ZMYM2: variants seen among roughly 807,000 people sequenced by gnomAD.
ZMYM2 encodes zinc finger MYM-type protein 2.
In ZMYM2, 56 loss-of-function variants were observed where a neutral mutation model predicts 162.8. That is an observed-to-expected ratio of 0.34 (90% CI 0.28 to 0.43). The LOEUF is 0.43. Ranked by LOEUF, ZMYM2 falls within the 20% of genes least tolerant of loss-of-function variation. The pLI, the probability that ZMYM2 is intolerant of heterozygous loss-of-function variation, is 1.00. For synonymous variants in ZMYM2, 510 were observed against 541.6 expected, an observed-to-expected ratio of 0.94 and a Z score of 0.81; for missense variants, 1,275 against 1,621.8, an observed-to-expected ratio of 0.79 and a Z score of 3.67.
the ZMYM2 span, among the ~76,000 whole-genome samples, chr13:19,917,481 T>A: frequency 6.6e-6 from 1 of 151,398 alleles, no homozygotes; most frequent in Non-Finnish European, 1.5e-5. Context: ...TCCCAGCTAC[T>A]TGGGAGGCTG....
the ZMYM2 span, among the ~76,000 whole-genome samples, chr13:19,946,216 A>C: frequency 1.3e-5 from 2 of 152,214 alleles, no homozygotes; most frequent in Non-Finnish European, 2.9e-5. Context: ...CTTAAGGTTT[A>C]ACATTACATT....
At chr13:19,901,565 A>G in the ZMYM2 span, among the ~76,000 whole-genome samples, 1 of 151,938 alleles carries the variant, frequency 6.6e-6, no homozygotes, top group African/African-American at 2.4e-5. Context: ...GCTCACTGCA[A>G]CCTCCGCCTC....
chr13:19,999,330 G>A (rs924377143), intron 3 of ZMYM2, among the ~76,000 whole-genome samples: 5 of 152,124 alleles, frequency 3.3e-5, no homozygotes, highest in African/African-American at 9.7e-5. Flanking sequence ...TGGTCACTTC[G>A]TGTCTCTGTT....
chr13:20,082,118 A>G lies in ZMYM2; in HGVS notation c.3556A>G (p.Ile1186Val). Residue 1186 changes from isoleucine to valine, a missense_variant, in exon 22 of 25, where the codon ATA becomes GTA. Ile to Val is a conservative substitution (Grantham distance 29). This residue lies in a region of ZMYM2 where 103 missense variants were observed against 192.2 expected (regional missense o/e 0.54). Coordinates refer to ENST00000610343, the MANE Select transcript of ZMYM2 (RefSeq NM_197968.4). Reference sequence around the variant, plus strand: ...AATACTGCGAAGCTGGCAACCAAGCATACTTCCAGATGGTAATGCTATTTT... The same window carrying G: ...AATACTGCGAAGCTGGCAACCAAGCGTACTTCCAGATGGTAATGCTATTTT... The part of the protein sequence containing the change: ...NKILRSWQPS[I>V]LPDGSIFSRV... 2 of 1,601,862 alleles carry G rather than the reference A, an allele frequency of 1.2e-6. No individual in the cohort carries two copies. The highest frequency in any genetic ancestry group is 1.7e-6 in the Non-Finnish European group (2 of 1,175,198).
chr13:20,052,077 G>T (rs1328024604), intron 13 of ZMYM2, among the ~76,000 whole-genome samples, 200 bp from the exon 14 acceptor site: 1 of 152,002 alleles, frequency 6.6e-6, no homozygotes, highest in African/African-American at 2.4e-5. Context: ...CAGAGGGGAC[G>T]AAAGGAGAAA....
At chr13:19,955,326 T>C (rs1174245394), upstream of ZMYM2, among the ~76,000 whole-genome samples, 1 of 152,066 alleles carries the variant, frequency 6.6e-6, no homozygotes, top group Non-Finnish European at 1.5e-5. Context: ...AGGTGCAAGT[T>C]TTATACATGT....
At chr13:19,951,134 A>G in the ZMYM2 span, among the ~76,000 whole-genome samples, 1 of 152,208 alleles carries the variant, frequency 6.6e-6, no homozygotes, top group Non-Finnish European at 1.5e-5. Context: ...TTGGACACCC[A>G]CGCTCTAAAG....
chr13:20,051,505 C>T lies in ZMYM2; in HGVS notation c.2365C>T (p.His789Tyr). Residue 789 changes from histidine (H) to tyrosine (Y), a missense_variant, in exon 13 of 25, where the codon CAT becomes TAT. His to Tyr is a moderately conservative substitution (Grantham distance 83). Transcript: ENST00000610343. ...ERVQWRGEMK[H>Y]FCDQHCLLRF... is the part of the protein sequence containing the mutation. ...AGTTCAGTGGCGTGGGGAAATGAAA[C>T]ATTTCTGTGATCAACATTGCTTACT... 1 of 1,613,574 alleles carries T rather than the reference C, an allele frequency of 6.2e-7. No individual in the cohort carries two copies. Among genetic ancestry groups the T allele is most frequent in the African/African-American group, 1.3e-5 (1 of 75,020 alleles).
At chr13:20,084,092 A>C (rs1958086775) in intron 24 of ZMYM2, among the ~76,000 whole-genome samples, 1 of 152,110 alleles carries the variant, frequency 6.6e-6, no homozygotes, top group African/African-American at 2.4e-5. Context: ...GCTCATTGCA[A>C]CCTCAAACTC....
chr13:20,016,813 T>C (rs1951671540), intron 6 of ZMYM2, among the ~76,000 whole-genome samples: 2 of 152,218 alleles, frequency 1.3e-5, no homozygotes, highest in Admixed American at 1.3e-4. Flanking sequence ...TCTTATTGTG[T>C]GTCTCTGAGT....
intron 11 of ZMYM2, 96 bp downstream of exon 11, chr13:20,034,500 A>G (rs373358945): frequency 8.3e-7 from 1 of 1,205,390 alleles, no homozygotes; most frequent in Non-Finnish European, 1.1e-6. Flanking sequence ...ATTTTAATGT[A>G]GCTGAACAAA....
At chr13:19,983,740 C>CGAG in intron 2 of ZMYM2, among the ~76,000 whole-genome samples, 1 of 152,040 alleles carries the variant, frequency 6.6e-6, no homozygotes, top group East Asian at 1.9e-4. Flanking sequence ...GTGATCCTCC[C>CGAG]GCCTCAGTCC....
At chr13:19,908,082 G>A in the ZMYM2 span, among the ~76,000 whole-genome samples, 1 of 152,154 alleles carries the variant, frequency 6.6e-6, no homozygotes, top group African/African-American at 2.4e-5. Flanking sequence ...GAGCTCAGGA[G>A]TTTGAGAGTA....
intron 12 of ZMYM2, among the ~76,000 whole-genome samples, chr13:20,042,294 T>G (rs1460146741): frequency 1.3e-5 from 2 of 152,212 alleles, no homozygotes; most frequent in African/African-American, 4.8e-5. Context: ...TCTGTCTTAT[T>G]TCACAAGGCC....
the ZMYM2 span, among the ~76,000 whole-genome samples, chr13:19,890,242 A>G: frequency 6.6e-6 from 1 of 151,778 alleles, no homozygotes; most frequent in South Asian, 2.1e-4. Context: ...AGCTCAGCTC[A>G]TGCAGTCTCC....
intron 2 of ZMYM2, among the ~76,000 whole-genome samples, chr13:19,984,691 T>A (rs1203970160): frequency 6.6e-6 from 1 of 152,256 alleles, no homozygotes; most frequent in Non-Finnish European, 1.5e-5. Flanking sequence ...AAGTAGATGT[T>A]TTCTGGTTGA....
the ZMYM2 span, among the ~76,000 whole-genome samples, chr13:19,918,997 C>T: frequency 6.6e-6 from 1 of 152,136 alleles, no homozygotes; most frequent in Non-Finnish European, 1.5e-5. Flanking sequence ...CATGTGTTCC[C>T]TCTTTATAGT....
chr13:19,991,623 TC>T (rs1455414510), intron 2 of ZMYM2, among the ~76,000 whole-genome samples: 12 of 60,858 alleles, frequency 2.0e-4, no homozygotes, highest in African/African-American at 5.9e-4. Context: ...CTTTTCTTTT[TC>T]TTTTTTTTTT....
At chr13:20,049,829 CT>C (rs1416413541) in intron 12 of ZMYM2, among the ~76,000 whole-genome samples, 4 of 151,982 alleles carry the variant, frequency 2.6e-5, no homozygotes, top group African/African-American at 7.2e-5. Flanking sequence ...TGTAACTCTA[CT>C]TTTGGTTCCT....
Sources: allele counts gnomAD v4.1 joint callset (sites outside exome capture counted in the v4.1 genomes callset), GRCh38; gene constraint gnomAD v4.1.1; regional missense constraint gnomAD v4.1.1; transcripts MANE v1.5; gene names NCBI Gene and HGNC (gene_info 2026-07-23, HGNC 2026-07-21).